The following CDIN1 variants were observed in gnomAD, a reference collection of about 807,000 sequenced individuals.
The protein encoded by CDIN1 is CDAN1 interacting nuclease 1.
In CDIN1, 33 loss-of-function variants were observed where a neutral mutation model predicts 45.3. The observed-to-expected ratio is 0.73, with a 90% CI of 0.55 to 0.97. CDIN1 has a LOEUF of 0.97. Ranked by LOEUF, CDIN1 falls within the 50% of genes least tolerant of loss-of-function variation. CDIN1 has a pLI of 0.00. For missense variants in CDIN1, 303 were observed against 339.4 expected (o/e 0.89, Z 0.84); for synonymous variants, 118 against 124.4 (o/e 0.95, Z 0.34).
chr15:36,701,492 T>C (rs1312734777), intron 8 of CDIN1, among the ~76,000 whole-genome samples: 2 of 152,114 alleles, frequency 1.3e-5, no homozygotes, highest in East Asian at 1.9e-4. Context: ...CAAGACAGTT[T>C]GCCCTGTTAG....
chr15:36,682,611 A>C (rs373977248), intron 5 of CDIN1, among the ~76,000 whole-genome samples: 4 of 150,954 alleles, frequency 2.6e-5, no homozygotes, highest in South Asian at 4.2e-4. Context: ...AAAAAAAAAA[A>C]ACAAAAATTA....
In CDIN1 at chr15:36,727,254, C is replaced by G. The variant is rs895731428; in HGVS notation, c.716+17293C>G. Among the ~76,000 whole-genome samples, 4 of 151,388 alleles carry G rather than the reference C, an allele frequency of 2.6e-5. No homozygotes were observed. The South Asian group carries it at 6.2e-4, about 24-fold the overall frequency. On this transcript the variant is annotated intron_variant, in intron 10 of 10. Coordinates refer to ENST00000566621, the MANE Select transcript of CDIN1 (RefSeq NM_001321759.2). ...ACAGAAGACAACATCATAGCTTTAACTGACCCATATTTGTATCTGCCAAAT... is the reference window on the plus strand; with the variant it reads ...ACAGAAGACAACATCATAGCTTTAAGTGACCCATATTTGTATCTGCCAAAT...
intron 5 of CDIN1, among the ~76,000 whole-genome samples, chr15:36,689,521 C>T (rs2140691249): frequency 6.6e-6 from 1 of 152,224 alleles, no homozygotes; most frequent in South Asian, 2.1e-4. Flanking sequence ...TTATGGGCAA[C>T]ATAAAAGAAT....
chr15:36,591,570 C>G (rs1040663321), intron 1 of CDIN1, among the ~76,000 whole-genome samples: 2 of 152,134 alleles, frequency 1.3e-5, no homozygotes, highest in African/African-American at 4.8e-5. Flanking sequence ...GATAAAAATA[C>G]ATTTAACCTC....
At position 36,610,735 on chromosome 15, in the gene CDIN1, G is replaced by A. The variant is rs576494273; in HGVS notation, c.101+30774G>A. Among the ~76,000 whole-genome samples the A allele has an allele frequency of 2.0e-5, 3 of 152,282 alleles. No individual in the cohort carries two copies. The East Asian group carries it at 5.8e-4, about 29-fold the overall frequency. ...AAGAAAATTAAGTGTCCACAGAATT[G>A]GTGACCTGTTTTTAAGAGAACCTGT... On this transcript the variant is annotated intron_variant, in intron 1 of 10. Transcript: ENST00000566621.
chr15:36,640,737 G>T (rs2040072483), intron 1 of CDIN1: 1 of 683,944 alleles, frequency 1.5e-6, no homozygotes, highest in Non-Finnish European at 1.8e-6. Flanking sequence ...AATTAAGTCT[G>T]TGCTCAGCTC....
chr15:36,598,251 CA>C (rs1335563898), intron 1 of CDIN1, among the ~76,000 whole-genome samples: 1 of 152,182 alleles, frequency 6.6e-6, no homozygotes, highest in African/African-American at 2.4e-5. Context: ...CTCCGCCTCC[CA>C]AAGTGCCTGG....
chr15:36,805,505 G>C (rs1003604734), intron 10 of CDIN1, among the ~76,000 whole-genome samples: 2 of 152,104 alleles, frequency 1.3e-5, no homozygotes, highest in African/African-American at 4.8e-5. Context: ...CAGTAAATAA[G>C]AATAGGCATC....
intron 10 of CDIN1, among the ~76,000 whole-genome samples, chr15:36,756,829 A>G (rs555225909): frequency 6.6e-5 from 10 of 152,282 alleles, no homozygotes; most frequent in Admixed American, 1.3e-4. Flanking sequence ...AGCATTACTC[A>G]TGATGGCTTT....
chr15:36,605,344 T>C (rs940442408), intron 1 of CDIN1, among the ~76,000 whole-genome samples: 1 of 152,214 alleles, frequency 6.6e-6, no homozygotes, highest in African/African-American at 2.4e-5. Flanking sequence ...TATAAATCAA[T>C]AATGCTGTTT....
intron 1 of CDIN1, chr15:36,618,910 A>G (rs1032949030): frequency 4.1e-5 from 54 of 1,310,576 alleles, no homozygotes; most frequent in Non-Finnish European, 5.7e-5. Flanking sequence ...ACATAAATGT[A>G]GCTACACCGT....
intron 10 of CDIN1, among the ~76,000 whole-genome samples, chr15:36,787,933 TTAAA>T (rs2054533123): frequency 6.6e-6 from 1 of 150,532 alleles, no homozygotes; most frequent in South Asian, 2.1e-4. Context: ...TATTCATACT[TTAAA>T]TGATGTTATT....
intron 1 of CDIN1, among the ~76,000 whole-genome samples, chr15:36,643,642 G>T (rs1433424479): frequency 3.3e-5 from 5 of 152,178 alleles, no homozygotes; most frequent in Admixed American, 3.3e-4. Context: ...TTGCTTCATT[G>T]CCAGGTGTTT....
At chr15:36,586,686 T>G (rs2037316001) in intron 1 of CDIN1, among the ~76,000 whole-genome samples, 1 of 152,196 alleles carries the variant, frequency 6.6e-6, no homozygotes, top group Non-Finnish European at 1.5e-5. Flanking sequence ...GAAGTTACAG[T>G]GCATTATAAT....
At chr15:36,735,273 T>C (rs957309298) in intron 10 of CDIN1, among the ~76,000 whole-genome samples, 2 of 152,314 alleles carry the variant, frequency 1.3e-5, no homozygotes, top group Admixed American at 6.5e-5. Flanking sequence ...TGTCTGCATG[T>C]ACCTCATCTC....
At chr15:36,756,259 A>G (rs778357866) in intron 10 of CDIN1, among the ~76,000 whole-genome samples, 1 of 152,192 alleles carries the variant, frequency 6.6e-6, no homozygotes, top group African/African-American at 2.4e-5. Flanking sequence ...CACATTTGGC[A>G]GTAGGTTTTT....
chr15:36,744,497 A>G (rs992698399), intron 10 of CDIN1, among the ~76,000 whole-genome samples: 4 of 152,124 alleles, frequency 2.6e-5, no homozygotes, highest in African/African-American at 9.7e-5. Context: ...TACTATGTTC[A>G]CCATTCTGGG....
intron 10 of CDIN1, among the ~76,000 whole-genome samples, chr15:36,761,232 T>C (rs2053754309): frequency 6.6e-6 from 1 of 152,206 alleles, no homozygotes; most frequent in African/African-American, 2.4e-5. Flanking sequence ...TATTTCAGAT[T>C]ATTTCAAGCA....
chr15:36,589,630 C>T (rs1359104831), intron 1 of CDIN1, among the ~76,000 whole-genome samples: 7 of 152,022 alleles, frequency 4.6e-5, no homozygotes, highest in African/African-American at 1.7e-4. Flanking sequence ...CTCAGCCTCC[C>T]GAGTAGCTGG....
Sources: allele counts gnomAD v4.1 joint callset (sites outside exome capture counted in the v4.1 genomes callset), GRCh38; gene constraint gnomAD v4.1.1; transcripts MANE v1.5; gene names NCBI Gene and HGNC (gene_info 2026-07-23, HGNC 2026-07-21).